The following NLGN4X variants were observed in gnomAD, a reference collection of about 807,000 sequenced individuals.
The protein encoded by NLGN4X is neuroligin 4 X-linked, also known as neuroligin-4, X-linked.
Under a neutral mutation model 40.3 loss-of-function variants are expected in NLGN4X, and 3 were observed. That is an observed-to-expected ratio of 0.07 (90% CI 0.03 to 0.19). NLGN4X has a LOEUF of 0.19. Ranked by LOEUF, NLGN4X falls within the 10% of genes least tolerant of loss-of-function variation. The pLI is 1.00. For synonymous variants in NLGN4X, 270 were observed against 306.8 expected (o/e 0.88, Z 1.25); for missense variants, 382 against 708.3 (o/e 0.54, Z 5.23).
rs1172665647 is a variant in NLGN4X at position 5,909,238 on chromosome X, C to T, written c.627G>A (p.Gly209=). The change falls in exon 4 of 6, where the codon GGG becomes GGA. Residue 209 remains glycine, a splice_region_variant and synonymous_variant. Transcript: ENST00000381095. ...CTGCCTGGTCACCGGTACTTAAAAA[C>T]CCTACAAAAGAACACAAGATATTTT... is the stretch of plus-strand genomic sequence containing the variant. ...ITINYRLGIL[G]FLSTGDQAAK... 2 of 1,209,758 alleles carry T rather than the reference C, an allele frequency of 1.7e-6. No homozygotes were observed. The highest frequency in any genetic ancestry group is 5.9e-5 in the East Asian group (2 of 33,752).
intron 3 of NLGN4X, among the ~76,000 whole-genome samples, chrX:5,914,469 A>G (rs748028213): frequency 3.2e-4 from 36 of 111,081 alleles, no homozygotes; most frequent in Non-Finnish European, 5.7e-4. Context: ...CTTTTAGGAG[A>G]TCATTCCTTG....
chrX:5,925,253 T>C (rs1175099817), intron 3 of NLGN4X, among the ~76,000 whole-genome samples: 3 of 112,104 alleles, frequency 2.7e-5, no homozygotes, highest in Non-Finnish European at 5.6e-5. Context: ...GGGGTTAGTG[T>C]ATAGGCACAT....
At chrX:5,942,762 C>T (rs1049956635) in intron 3 of NLGN4X, among the ~76,000 whole-genome samples, 27 of 110,722 alleles carry the variant, frequency 2.4e-4, no homozygotes, top group Non-Finnish European at 3.8e-4. Flanking sequence ...CTTGATTGGG[C>T]TTTTCCTGGA....
Position 6,075,944 on chromosome X carries a change from T to G in NLGN4X, c.473-46512A>C, listed in dbSNP as rs182180076. Among the ~76,000 whole-genome samples, 26 of 111,692 alleles carry G rather than the reference T, an allele frequency of 2.3e-4. 1 individual carries two copies. The East Asian group carries it at 6.5e-3, about 28-fold the overall frequency. ...TAAGACAGAGGGTGATCATACAAAATGAAGACAGTGTGAATTTGCACTGAG... is the reference window on the plus strand; with the variant it reads ...TAAGACAGAGGGTGATCATACAAAAGGAAGACAGTGTGAATTTGCACTGAG... On this transcript the variant is annotated intron_variant, in intron 2 of 5. Transcript: ENST00000381095.
intron 2 of NLGN4X, among the ~76,000 whole-genome samples, chrX:6,052,744 A>G (rs183249382): frequency 1.8e-5 from 2 of 112,581 alleles, no homozygotes; most frequent in East Asian, 2.8e-4. Flanking sequence ...AATATTATGT[A>G]TCCCATGATA....
At chrX:5,934,102 G>A (rs2033654000) in intron 3 of NLGN4X, among the ~76,000 whole-genome samples, 1 of 111,500 alleles carries the variant, frequency 9.0e-6, no homozygotes, top group Non-Finnish European at 1.9e-5. Flanking sequence ...CTGTTTCTCT[G>A]AGTTTGACTT....
intron 2 of NLGN4X, among the ~76,000 whole-genome samples, chrX:6,059,461 T>C (rs1417098066): frequency 8.9e-6 from 1 of 111,914 alleles, no homozygotes; most frequent in African/African-American, 3.2e-5. Flanking sequence ...CCTTGTTCTC[T>C]AATTGTCTAC....
chrX:6,109,436 T>C (rs993578499), intron 2 of NLGN4X, among the ~76,000 whole-genome samples: 4 of 112,156 alleles, frequency 3.6e-5, no homozygotes, highest in African/African-American at 1.3e-4. Flanking sequence ...TATGAGCAGA[T>C]TGTATGGAGA....
chrX:5,994,593 A>G (rs890139406), intron 3 of NLGN4X, among the ~76,000 whole-genome samples: 1 of 112,269 alleles, frequency 8.9e-6, no homozygotes, highest in Non-Finnish European at 1.9e-5. Flanking sequence ...AGCTAGTAGC[A>G]TGCAAACAAT....
In NLGN4X at chrX:6,223,171, A is replaced by G. The variant is rs1446070522; in HGVS notation, c.-306+5370T>C. On this transcript the variant is annotated intron_variant, in intron 1 of 5. Transcript: ENST00000381095. Reference sequence around the variant, plus strand: ...TAGTAGGATACATATCTTACTATATATAGTTTTTTATATACGTATTTTAGT... The same window carrying G: ...TAGTAGGATACATATCTTACTATATGTAGTTTTTTATATACGTATTTTAGT... 6.3e-5 allele frequency among the ~76,000 whole-genome samples: 7 copies of G among 110,937 alleles called. No individual in the cohort carries two copies. The East Asian group carries it at 1.7e-3, about 27-fold the overall frequency.
At chrX:5,902,727 A>G (rs1056627545) in intron 5 of NLGN4X, among the ~76,000 whole-genome samples, 4 of 112,196 alleles carry the variant, frequency 3.6e-5, no homozygotes, top group Admixed American at 2.8e-4. Flanking sequence ...CCGTTTAATC[A>G]GCTGTTAACA....
intron 3 of NLGN4X, among the ~76,000 whole-genome samples, chrX:6,015,987 A>G (rs757286588): frequency 1.8e-5 from 2 of 112,285 alleles, no homozygotes; most frequent in Non-Finnish European, 3.8e-5. Context: ...TGTGAATCCC[A>G]CATGTGGTAA....
intron 3 of NLGN4X, among the ~76,000 whole-genome samples, chrX:6,004,394 G>A (rs1404204875): frequency 3.6e-5 from 4 of 111,327 alleles, no homozygotes; most frequent in Non-Finnish European, 7.5e-5. Flanking sequence ...ACAACATAAG[G>A]GAAAAATGAA....
intron 3 of NLGN4X, among the ~76,000 whole-genome samples, chrX:5,952,999 G>A (rs1350656421): frequency 1.8e-5 from 2 of 111,443 alleles, no homozygotes; most frequent in East Asian, 5.7e-4. Flanking sequence ...GGTCAGGCTG[G>A]TGATATTTAG....
chrX:6,050,806 TCTAA>T (rs918421531), intron 2 of NLGN4X, among the ~76,000 whole-genome samples: 10 of 111,077 alleles, frequency 9.0e-5, no homozygotes, highest in African/African-American at 2.9e-4. Context: ...TATCTATCTA[TCTAA>T]CTATCTATAT....
intron 2 of NLGN4X, among the ~76,000 whole-genome samples, chrX:6,130,613 T>G (rs894485867): frequency 8.9e-6 from 1 of 112,936 alleles, no homozygotes; most frequent in African/African-American, 3.2e-5. Context: ...GTAAATCATC[T>G]CTATTTTCGA....
At chrX:5,964,331 A>AC (rs1302015748) in intron 3 of NLGN4X, among the ~76,000 whole-genome samples, 3 of 112,065 alleles carry the variant, frequency 2.7e-5, no homozygotes. Flanking sequence ...TAGTAAATAT[A>AC]CTATGTGAAT....
chrX:6,042,730 T>TATACACACACACAC (rs1215396694), intron 2 of NLGN4X, among the ~76,000 whole-genome samples: 1 of 20,166 alleles, frequency 5.0e-5, no homozygotes, highest in African/African-American at 1.6e-4. Context: ...TATATATATA[T>TATACACACACACAC]ACACACACAC....
At chrX:6,143,620 A>G (rs2039991366) in intron 2 of NLGN4X, among the ~76,000 whole-genome samples, 1 of 112,388 alleles carries the variant, frequency 8.9e-6, no homozygotes. Flanking sequence ...GTGTCAAAAC[A>G]GTATTATCTT....
Sources: gnomAD v4.1 joint callset for allele counts (sites outside exome capture counted in the v4.1 genomes callset) on GRCh38, gnomAD v4.1.1 for gene constraint, MANE v1.5 for transcripts, NCBI Gene and HGNC (gene_info 2026-07-23, HGNC 2026-07-21) for gene names.